PRKAA1: variants seen among roughly 807,000 people sequenced by gnomAD.
PRKAA1 encodes the protein 5'-AMP-activated protein kinase catalytic subunit alpha-1.
PRKAA1 carries 23 observed loss-of-function variants against 56.9 expected under a neutral mutation model. The ratio of observed to expected loss-of-function variants is 0.40; its 90% CI spans 0.29 to 0.57. PRKAA1 has a LOEUF of 0.57. PRKAA1 is among the 20% of genes least tolerant of loss of function. The pLI is 0.39. For synonymous variants in PRKAA1, 226 were observed against 227.0 expected (o/e 1.00, Z 0.04); for missense variants, 413 against 679.7 (o/e 0.61, Z 4.36).
At chr5:40,780,531 A>G (rs1579741374) in intron 1 of PRKAA1, among the ~76,000 whole-genome samples, 2 of 152,244 alleles carry the variant, frequency 1.3e-5, no homozygotes, top group South Asian at 2.1e-4. Context: ...ATAGTGGCTG[A>G]TAAGTTCCAG....
intron 1 of PRKAA1, among the ~76,000 whole-genome samples, chr5:40,788,799 C>T (rs1744601355): frequency 6.6e-6 from 1 of 151,874 alleles, no homozygotes; most frequent in Admixed American, 6.6e-5. Context: ...TGCACTCCAG[C>T]CTGGGTGACA....
rs189308503 is a variant in PRKAA1 at position 40,792,432 on chromosome 5, T to A, written c.127+5631A>T. Among the ~76,000 whole-genome samples the A allele has an allele frequency of 3.8e-3, 573 of 152,320 alleles. 3 individuals are homozygous for A. Among genetic ancestry groups the A allele is most frequent in the Non-Finnish European group, 6.5e-3 (443 of 68,024 alleles). On this transcript the variant is annotated intron_variant, in intron 1 of 8. Transcript: ENST00000397128. ...ACCCATTATTTCATACACGAGTACA[T>A]CTATAAAATAATTCCTAGAAGTTGA...
Position 40,798,120 on chromosome 5 carries a change from T to C in PRKAA1, c.70A>G (p.Ile24Val), listed in dbSNP as rs2112122169. Reference sequence around the variant, plus strand: ...GTGTCACCCAGAATGTAGTGGCCGATCTTCACCCGCCCGTCGTGTTTCTGC... The same window carrying C: ...GTGTCACCCAGAATGTAGTGGCCGACCTTCACCCGCCCGTCGTGTTTCTGC... ...EKQKHDGRVK[I>V]GHYILGDTLG... Residue 24 changes from isoleucine to valine, a missense_variant, in exon 1 of 9, where the codon ATC (isoleucine) becomes GTC (valine). Ile to Val is a conservative substitution (Grantham distance 29). This residue lies in a region of PRKAA1 where 61 missense variants were observed against 73.1 expected (regional missense o/e 0.83). Coordinates refer to ENST00000397128, the MANE Select transcript of PRKAA1 (RefSeq NM_006251.6). The C allele has an allele frequency of 6.2e-7, 1 of 1,607,258 alleles. No homozygotes were observed. Among genetic ancestry groups the C allele is most frequent in the Non-Finnish European group, 8.5e-7 (1 of 1,176,352 alleles).
chr5:40,789,074 G>A (rs1158747900), intron 1 of PRKAA1, among the ~76,000 whole-genome samples: 3 of 151,120 alleles, frequency 2.0e-5, no homozygotes, highest in African/African-American at 7.3e-5. Context: ...AGCCAGGCGT[G>A]GTGGTGTATG....
Position 40,778,269 on chromosome 5 carries a change from A to G in PRKAA1, c.128-683T>C, listed in dbSNP as rs553084718. 4.0e-4 allele frequency among the ~76,000 whole-genome samples: 61 copies of G among 152,214 alleles called. 1 individual carries two copies. The Middle Eastern group carries it at 0.014, about 34-fold the overall frequency. On this transcript the variant is annotated intron_variant, in intron 1 of 8. Coordinates refer to ENST00000397128, the MANE Select transcript of PRKAA1 (RefSeq NM_006251.6). ...GCCTCAACAAAATAAAAATAATAAT[A>G]TATTTAGACATATTATAAGAGTAGT...
intron 2 of PRKAA1, chr5:40,776,978 A>G (rs770791915): frequency 6.5e-6 from 1 of 153,392 alleles, no homozygotes; most frequent in Non-Finnish European, 1.5e-5. Context: ...TTAAATGACC[A>G]TCAATGGGGT....
Position 40,764,920 on chromosome 5 carries a change from A to G in PRKAA1, c.1140T>C (p.Ala380=), listed in dbSNP as rs1014817061. Reference sequence around the variant, plus strand: ...GGGTATGGCGTGCCCTTGGTGTTTCAGCAACCAAGAATGGTACTCTTTCAG... The same window carrying G: ...GGGTATGGCGTGCCCTTGGTGTTTCGGCAACCAAGAATGGTACTCTTTCAG... The part of the protein sequence containing the change: ...PHPERVPFLV[A]ETPRARHTLD... The change falls in exon 7 of 9, where the codon GCT becomes GCC. Residue 380 remains alanine, a synonymous_variant. Transcript: ENST00000397128. The G allele has an allele frequency of 1.2e-6, 2 of 1,614,178 alleles. No individual in the cohort carries two copies. The highest frequency in any genetic ancestry group is 1.3e-5 in the African/African-American group (1 of 75,054).
chr5:40,780,426 C>T (rs1164860999), intron 1 of PRKAA1, among the ~76,000 whole-genome samples: 1 of 152,030 alleles, frequency 6.6e-6, no homozygotes, highest in Non-Finnish European at 1.5e-5. Context: ...ACATAATTCT[C>T]GACAGACAGC....
intron 3 of PRKAA1, among the ~76,000 whole-genome samples, chr5:40,773,665 A>G (rs1316169037): frequency 1.4e-5 from 2 of 143,188 alleles, no homozygotes; most frequent in South Asian, 2.3e-4. Context: ...CTATAGGGGT[A>G]GAAACCAGTA....
At chr5:40,765,345 A>G in intron 6 of PRKAA1, 107 bp from the exon 7 acceptor site, 1 of 1,302,860 alleles carries the variant, frequency 7.7e-7, no homozygotes, top group Non-Finnish European at 1.0e-6. Context: ...TTATATTCAT[A>G]CTGTATTATT....
chr5:40,782,535 A>T (rs1302207631), intron 1 of PRKAA1, among the ~76,000 whole-genome samples: 1 of 152,240 alleles, frequency 6.6e-6, no homozygotes, highest in East Asian at 1.9e-4. Context: ...AATAGACATT[A>T]AACTCATCCA....
At chr5:40,785,065 A>G (rs1744410866) in intron 1 of PRKAA1, among the ~76,000 whole-genome samples, 1 of 152,182 alleles carries the variant, frequency 6.6e-6, no homozygotes, top group South Asian at 2.1e-4. Context: ...CCAGAAATGC[A>G]TTCAATCATA....
At chr5:40,789,900 T>C (rs777312196) in intron 1 of PRKAA1, among the ~76,000 whole-genome samples, 1 of 152,204 alleles carries the variant, frequency 6.6e-6, no homozygotes, top group Non-Finnish European at 1.5e-5. Context: ...CATAAATATA[T>C]ACAATTGTTA....
At chr5:40,786,895 T>A (rs1490890264) in intron 1 of PRKAA1, among the ~76,000 whole-genome samples, 1 of 147,356 alleles carries the variant, frequency 6.8e-6, no homozygotes. Context: ...CAGGCAGAGG[T>A]TGCAGTGAGC....
Position 40,762,880 on chromosome 5 carries a change from G to A in PRKAA1, c.1578C>T (p.Thr526=), listed in dbSNP as rs1743255084. 1.2e-6 allele frequency: 2 copies of A among 1,614,148 alleles called. No individual in the cohort carries two copies. Among genetic ancestry groups the A allele is most frequent in the South Asian group, 1.1e-5 (1 of 91,080 alleles). ...SSEVSLTSSV[T]SLDSSPVDLT... is the part of the protein sequence containing the mutation. ...GGTCAACAGGAGAAGAGTCAAGTGA[G>A]GTCACAGATGAGGTAAGAGAAACTT... The change falls in exon 9 of 9, where the codon ACC becomes ACT. Residue 526 remains threonine (T), a synonymous_variant. Coordinates refer to ENST00000397128, the MANE Select transcript of PRKAA1 (RefSeq NM_006251.6).
chr5:40,768,862 T>C (rs1743593274), intron 5 of PRKAA1: 3 of 1,538,796 alleles, frequency 1.9e-6, no homozygotes, highest in African/African-American at 1.4e-5. Context: ...AAAGCGACAC[T>C]GTACAAATAT....
intron 1 of PRKAA1, among the ~76,000 whole-genome samples, chr5:40,788,918 AG>A (rs1266755405): frequency 6.6e-6 from 1 of 152,106 alleles, no homozygotes; most frequent in African/African-American, 2.4e-5. Context: ...TCAGATATAT[AG>A]CTAATATCCG....
chr5:40,769,422 GA>G lies in PRKAA1; in HGVS notation c.589del (p.Ser197GlnfsTer10). The stretch of plus-strand genomic sequence containing the variant: ...GCAGGGTATCAAATACTACCTTCCT[GA>G]AATTACTTCTGGTGCAGCATAGTTG... ...SPNYAAPEVI[S>X]GRLYAGPEVD... On this transcript the variant is annotated frameshift_variant, in exon 5 of 9. Transcript: ENST00000397128. LOFTEE classifies it high-confidence loss of function. 6.2e-7 allele frequency: 1 copy of G among 1,604,082 alleles called. No homozygotes were observed. The highest frequency in any genetic ancestry group is 8.5e-7 in the Non-Finnish European group (1 of 1,172,972).
At chr5:40,786,706 C>T (rs1341919904) in intron 1 of PRKAA1, among the ~76,000 whole-genome samples, 1 of 145,606 alleles carries the variant, frequency 6.9e-6, no homozygotes, top group African/African-American at 2.5e-5. Context: ...CTTGGGAGGC[C>T]GAGGCAGGCA....
Sources: gnomAD v4.1 joint callset for allele counts (sites outside exome capture counted in the v4.1 genomes callset) on GRCh38, gnomAD v4.1.1 for gene constraint, gnomAD v4.1.1 regional missense constraint, MANE v1.5 for transcripts, NCBI Gene and HGNC (gene_info 2026-07-23, HGNC 2026-07-21) for gene names.